Variants in KCNK13 observed in about 807,000 individuals in gnomAD.
The protein encoded by KCNK13 is potassium two pore domain channel subfamily K member 13.
A neutral mutation model predicts 23.4 loss-of-function variants in KCNK13; 12 were observed. That is an observed-to-expected ratio of 0.51 (90% CI 0.33 to 0.83). KCNK13 has a LOEUF of 0.83. KCNK13 is among the 40% of genes least tolerant of loss of function. The pLI is 0.02. For missense variants in KCNK13, 463 were observed against 556.3 expected (o/e 0.83, Z 1.69); for synonymous variants, 231 against 229.5 (o/e 1.01, Z -0.06).
intron 1 of KCNK13, among the ~76,000 whole-genome samples, chr14:90,084,504 C>T (rs184531355): frequency 7.2e-5 from 11 of 152,264 alleles, no homozygotes; most frequent in East Asian, 5.8e-4. Flanking sequence ...GGCCTTGCTA[C>T]GCTAATGTAT....
In KCNK13 at chr14:90,089,692, C is replaced by T. The variant is rs544651877; in HGVS notation, c.334+27153C>T. On this transcript the variant is annotated intron_variant, in intron 1 of 1. Coordinates refer to ENST00000282146, the MANE Select transcript of KCNK13 (RefSeq NM_022054.4). ...ACAGTAGCCCCTCCCATCACAGGCC[C>T]GGAGGCCTAGGAAAATAATGGCTTT... 2.0e-5 allele frequency among the ~76,000 whole-genome samples: 3 copies of T among 152,306 alleles called. No homozygotes were observed. In the East Asian group the frequency reaches 5.8e-4, roughly 29 times the overall value.
intron 1 of KCNK13, among the ~76,000 whole-genome samples, chr14:90,148,771 T>C (rs995988045): frequency 1.3e-5 from 2 of 152,218 alleles, no homozygotes; most frequent in South Asian, 4.1e-4. Context: ...GGAAAGAATG[T>C]AATAAATCAT....
chr14:90,136,110 G>A lies in KCNK13; in HGVS notation c.335-48001G>A, dbSNP rs551771779. ...GTGCCACCAAGAAGGAGATTGGGCTGGGAGTCATGAAAAGTGGCCAGAATG... is the reference window on the plus strand; with the variant it reads ...GTGCCACCAAGAAGGAGATTGGGCTAGGAGTCATGAAAAGTGGCCAGAATG... On this transcript the variant is annotated intron_variant, in intron 1 of 1. Transcript: ENST00000282146. Among the ~76,000 whole-genome samples the A allele has an allele frequency of 2.1e-3, 322 of 152,042 alleles. 3 individuals carry two copies. In the Middle Eastern group the frequency reaches 0.024, roughly 11 times the overall value.
At chr14:90,179,150 G>A (rs1488797343) in intron 1 of KCNK13, among the ~76,000 whole-genome samples, 1 of 152,046 alleles carries the variant, frequency 6.6e-6, no homozygotes, top group African/African-American at 2.4e-5. Context: ...TCAAAGAAAT[G>A]GTATGTTATC....
At chr14:90,064,530 G>A (rs1357571390) in intron 1 of KCNK13, among the ~76,000 whole-genome samples, 2 of 152,160 alleles carry the variant, frequency 1.3e-5, no homozygotes, top group Admixed American at 6.5e-5. Flanking sequence ...TTTTCATCCT[G>A]CCTCTGTATC....
At chr14:90,120,961 A>C (rs1169135926) in intron 1 of KCNK13, among the ~76,000 whole-genome samples, 1 of 152,168 alleles carries the variant, frequency 6.6e-6, no homozygotes, top group East Asian at 1.9e-4. Flanking sequence ...TTGGATAAAT[A>C]CACCCATTGC....
Position 90,062,589 on chromosome 14 carries a change from C to A in KCNK13, c.334+50C>A. The A allele has an allele frequency of 7.4e-7, 1 of 1,358,726 alleles. No individual in the cohort carries two copies. The highest frequency in any genetic ancestry group is 1.6e-5 in the South Asian group (1 of 64,246). The allele number at this position is 1,358,726 out of a possible 1,614,324, so 84.2% of individuals were successfully genotyped here. On this transcript the variant is annotated intron_variant, in intron 1 of 1. Coordinates refer to ENST00000282146, the MANE Select transcript of KCNK13 (RefSeq NM_022054.4). This position sits in a 1 kb window ranked among gnomAD's most constrained non-coding sequence, Gnocchi z 4.5. ...GACAACCTCCGGGCGGCCTCCACTT[C>A]CTCCGGGGGGCAGGACCGACCCTCT...
At chr14:90,121,716 TTTTTA>T (rs529444648) in intron 1 of KCNK13, among the ~76,000 whole-genome samples, 2 of 152,208 alleles carry the variant, frequency 1.3e-5, no homozygotes, top group African/African-American at 4.8e-5. Flanking sequence ...ACCTTTGTGC[TTTTTA>T]TTTTATTTTA....
chr14:90,116,552 C>T (rs1246301555), intron 1 of KCNK13, among the ~76,000 whole-genome samples: 1 of 152,128 alleles, frequency 6.6e-6, no homozygotes, highest in East Asian at 1.9e-4. Flanking sequence ...AGCAGCAGGC[C>T]CCGGCTAGGT....
At chr14:90,148,202 G>T (rs1398735928) in intron 1 of KCNK13, among the ~76,000 whole-genome samples, 2 of 151,982 alleles carry the variant, frequency 1.3e-5, no homozygotes, top group African/African-American at 4.8e-5. Flanking sequence ...AGGTTTACAG[G>T]GGTCCCTTTT....
At chr14:90,103,292 A>G (rs1889503518) in intron 1 of KCNK13, among the ~76,000 whole-genome samples, 1 of 152,212 alleles carries the variant, frequency 6.6e-6, no homozygotes, top group Non-Finnish European at 1.5e-5. Flanking sequence ...TTCCTTTGAT[A>G]TATACCTAGG....
intron 1 of KCNK13, among the ~76,000 whole-genome samples, chr14:90,101,346 G>A (rs1024545616): frequency 2.6e-5 from 4 of 152,030 alleles, no homozygotes; most frequent in African/African-American, 9.7e-5. Flanking sequence ...ATCTTGTCCC[G>A]GACCAGAGTG....
intron 1 of KCNK13, among the ~76,000 whole-genome samples, chr14:90,173,656 T>C (rs1360306097): frequency 1.3e-5 from 2 of 152,080 alleles, no homozygotes; most frequent in Non-Finnish European, 2.9e-5. Context: ...CAGCTCAGGC[T>C]TAAGACCCAA....
chr14:90,171,361 G>A (rs1029126308), intron 1 of KCNK13, among the ~76,000 whole-genome samples: 1 of 152,202 alleles, frequency 6.6e-6, no homozygotes, highest in South Asian at 2.1e-4. Flanking sequence ...AAGAAGGAAC[G>A]ATGTCAAAGG....
chr14:90,087,154 A>ATTTTT (rs1555401789), intron 1 of KCNK13, among the ~76,000 whole-genome samples: 3 of 107,650 alleles, frequency 2.8e-5, no homozygotes, highest in Non-Finnish European at 5.3e-5. Flanking sequence ...ATATATATAT[A>ATTTTT]TTTTTTTTTT....
chr14:90,122,467 G>A (rs150668089), intron 1 of KCNK13, among the ~76,000 whole-genome samples: 81 of 152,068 alleles, frequency 5.3e-4, no homozygotes, highest in African/African-American at 1.8e-3. Flanking sequence ...TTCCCGGCCT[G>A]TAGCTGGGAA....
At chr14:90,122,180 TC>T (rs1222666512) in intron 1 of KCNK13, among the ~76,000 whole-genome samples, 1 of 152,174 alleles carries the variant, frequency 6.6e-6, no homozygotes, top group Admixed American at 6.5e-5. Context: ...ACTATTTTTT[TC>T]AGTTATATAT....
chr14:90,184,954 C>A lies in KCNK13; in HGVS notation c.1178C>A (p.Ala393Asp), dbSNP rs1566654971. 2.5e-6 allele frequency: 4 copies of A among 1,610,168 alleles called. No homozygotes were observed. The highest frequency in any genetic ancestry group is 3.4e-6 in the Non-Finnish European group (4 of 1,177,952). The stretch of plus-strand genomic sequence containing the variant: ...AATGAATTCTCAGGGGGGGTGGGAG[C>A]CTTTGCAATCATGAACAACAGGTTG... Reference protein sequence around the residue: ...RDNEFSGGVGAFAIMNNRLAE... With the variant: ...RDNEFSGGVGDFAIMNNRLAE... The change falls in exon 2 of 2, where the codon GCC becomes GAC. Residue 393 changes from alanine to aspartate, a missense_variant. Coordinates refer to ENST00000282146, the MANE Select transcript of KCNK13 (RefSeq NM_022054.4). This position sits in a 1 kb window ranked among gnomAD's most constrained non-coding sequence, Gnocchi z 5.6.
At chr14:90,126,059 A>T (rs1889796370) in intron 1 of KCNK13, among the ~76,000 whole-genome samples, 1 of 152,048 alleles carries the variant, frequency 6.6e-6, no homozygotes, top group African/African-American at 2.4e-5. Context: ...GTTGGAAAAT[A>T]ACTCCAATTA....
Sources: allele counts gnomAD v4.1 joint callset (sites outside exome capture counted in the v4.1 genomes callset), GRCh38; gene constraint gnomAD v4.1.1; non-coding constraint Gnocchi (gnomAD v3.1); transcripts MANE v1.5; gene names NCBI Gene and HGNC (gene_info 2026-07-23, HGNC 2026-07-21).